Variants in COL24A1 observed in about 807,000 individuals in gnomAD.
COL24A1 encodes collagen type XXIV alpha 1 chain.
In COL24A1, 224 loss-of-function variants were observed where a neutral mutation model predicts 253.9. The ratio of observed to expected loss-of-function variants is 0.88; its 90% CI spans 0.79 to 0.99. The LOEUF is 0.99. Ranked by LOEUF, COL24A1 falls within the 50% of genes least tolerant of loss-of-function variation. The pLI is 0.00. For synonymous variants in COL24A1, 685 were observed against 673.7 expected (o/e 1.02, Z -0.26); for missense variants, 2,131 against 2,068.5 (o/e 1.03, Z -0.59).
At chr1:85,889,730 T>TC in intron 31 of COL24A1, 117 bp from the exon 32 acceptor site, 1 of 798,578 alleles carries the variant, frequency 1.3e-6, no homozygotes, top group Non-Finnish European at 2.1e-6. Context: ...CTATTGCTAT[T>TC]CTTTTTTTTT....
intron 35 of COL24A1, among the ~76,000 whole-genome samples, chr1:85,869,396 C>G (rs1414473247): frequency 6.6e-6 from 1 of 152,052 alleles, no homozygotes; most frequent in Non-Finnish European, 1.5e-5. Context: ...ACATAATTGT[C>G]AGATTCACCA....
intron 19 of COL24A1, among the ~76,000 whole-genome samples, chr1:86,015,645 T>A (rs1018603268): frequency 6.6e-6 from 1 of 152,100 alleles, no homozygotes; most frequent in Admixed American, 6.6e-5. Flanking sequence ...TAAAATAGAT[T>A]CTGTATCCTC....
chr1:86,037,005 A>G (rs1166922071), intron 12 of COL24A1, among the ~76,000 whole-genome samples: 1 of 152,156 alleles, frequency 6.6e-6, no homozygotes, highest in African/African-American at 2.4e-5. Context: ...CACAAATGTT[A>G]ACTTTCATCT....
chr1:86,093,028 T>C (rs900027807), intron 5 of COL24A1, among the ~76,000 whole-genome samples: 1 of 152,012 alleles, frequency 6.6e-6, no homozygotes, highest in Admixed American at 6.6e-5. Context: ...ACAATGGAGA[T>C]TCTTTAAAAT....
At chr1:85,760,153 A>T (rs536773512) in intron 55 of COL24A1, among the ~76,000 whole-genome samples, 6 of 151,584 alleles carry the variant, frequency 4.0e-5, no homozygotes, top group Non-Finnish European at 7.4e-5. Flanking sequence ...GCTCACTGCA[A>T]CCTCTGCCTC....
intron 25 of COL24A1, 50 bp from the exon 26 acceptor site, chr1:85,910,053 T>G: frequency 6.9e-7 from 1 of 1,447,564 alleles, no homozygotes; most frequent in Non-Finnish European, 9.7e-7. Context: ...TATTAATTAG[T>G]CATGACTGAG....
chr1:86,156,501 C>T lies in COL24A1; in HGVS notation c.-105G>A, dbSNP rs1653643261. 4.9e-6 allele frequency: 5 copies of T among 1,017,494 alleles called. No homozygotes were observed. Among genetic ancestry groups the T allele is most frequent in the African/African-American group, 1.7e-5 (1 of 60,170 alleles). 63.0% of individuals were successfully genotyped at this position (1,017,494 alleles called of 1,614,324 possible). On this transcript the variant is annotated 5_prime_UTR_variant, in exon 1 of 60. The change creates a new upstream start codon in the 5' untranslated region. Coordinates refer to ENST00000370571, the MANE Select transcript of COL24A1 (RefSeq NM_152890.7). ...CCATGAAAAAGGGAAAAAACAATCA[C>T]ATGAAAACCATGCTTCAAACCCGCA... is the stretch of plus-strand genomic sequence containing the variant.
chr1:85,872,871 A>C (rs545359336), intron 35 of COL24A1, among the ~76,000 whole-genome samples: 54 of 152,206 alleles, frequency 3.5e-4, no homozygotes, highest in Middle Eastern at 3.4e-3. Flanking sequence ...TTCTGCACAG[A>C]AAAAGAAACT....
At chr1:85,833,803 C>T (rs545948498) in intron 43 of COL24A1, among the ~76,000 whole-genome samples, 2 of 152,088 alleles carry the variant, frequency 1.3e-5, no homozygotes, top group African/African-American at 4.8e-5. Flanking sequence ...AGGATGAGTT[C>T]ATGTCCTTTG....
At chr1:86,106,036 G>A (rs1704949848) in intron 5 of COL24A1, among the ~76,000 whole-genome samples, 1 of 152,174 alleles carries the variant, frequency 6.6e-6, no homozygotes, top group Admixed American at 6.5e-5. Flanking sequence ...CCACCTGGCT[G>A]TGTCTAGTCA....
At chr1:85,804,474 C>T (rs1242472256) in intron 47 of COL24A1, among the ~76,000 whole-genome samples, 1 of 152,138 alleles carries the variant, frequency 6.6e-6, no homozygotes, top group Non-Finnish European at 1.5e-5. Context: ...AGTCCATTTT[C>T]ACGCTGCTGA....
intron 7 of COL24A1, among the ~76,000 whole-genome samples, chr1:86,080,568 A>T (rs575501342): frequency 3.3e-5 from 5 of 152,224 alleles, no homozygotes; most frequent in Middle Eastern, 6.8e-3. Flanking sequence ...CTTACTATGT[A>T]CCTACAAAAT....
intron 24 of COL24A1, among the ~76,000 whole-genome samples, chr1:85,950,409 A>G (rs188575448): frequency 4.3e-4 from 66 of 152,356 alleles, no homozygotes; most frequent in Non-Finnish European, 8.1e-4. Flanking sequence ...TAAGAAAAAA[A>G]TACTGAGCTT....
In COL24A1 at chr1:86,001,759, AC is replaced by A. The variant is rs1695437769; in HGVS notation, c.2311-14106del. Among the ~76,000 whole-genome samples the A allele has an allele frequency of 2.0e-5, 3 of 151,826 alleles. No homozygotes were observed. In the South Asian group the frequency reaches 6.2e-4, roughly 32 times the overall value. The stretch of plus-strand genomic sequence containing the variant: ...CATGCCCAAGGGAGGAAATATATAT[AC>A]ACACACACACAAAGGAGAGACTAAG... On this transcript the variant is annotated intron_variant, in intron 19 of 59. Transcript: ENST00000370571.
intron 19 of COL24A1, among the ~76,000 whole-genome samples, chr1:86,010,060 A>AC (rs1696353469): frequency 6.6e-6 from 1 of 152,060 alleles, no homozygotes; most frequent in Admixed American, 6.6e-5. Flanking sequence ...TCACACACAC[A>AC]AAAAAAACTT....
chr1:86,081,823 T>C (rs1472294482), intron 7 of COL24A1, among the ~76,000 whole-genome samples: 1 of 152,178 alleles, frequency 6.6e-6, no homozygotes, highest in Non-Finnish European at 1.5e-5. Context: ...AATTAAATTG[T>C]GGTAACCAAA....
chr1:85,874,570 TGAGTGTTTC>T, intron 35 of COL24A1, 70 bp downstream of exon 35: 2 of 1,280,494 alleles, frequency 1.6e-6, no homozygotes, highest in South Asian at 2.7e-5. Flanking sequence ...TCCAATTTTT[TGAGTGTTTC>T]GAATAATAAG....
In COL24A1 at chr1:86,008,663, A is replaced by G. The variant is rs138392387; in HGVS notation, c.2310+8488T>C. ...ACAATACAATTAGCCATGAGAATTA[A>G]CTTAAAGGTTTAAGAAGTGGGAAAG... On this transcript the variant is annotated intron_variant, in intron 19 of 59. Transcript: ENST00000370571. Among the ~76,000 whole-genome samples the G allele has an allele frequency of 1.7e-3, 263 of 152,312 alleles. 1 individual carries two copies. Among genetic ancestry groups the G allele is most frequent in the Non-Finnish European group, 3.2e-3 (218 of 68,024 alleles).
At chr1:85,742,929 A>C (rs1478600247) in intron 57 of COL24A1, among the ~76,000 whole-genome samples, 2 of 152,044 alleles carry the variant, frequency 1.3e-5, no homozygotes, top group African/African-American at 2.4e-5. Context: ...AAGCATATTC[A>C]AGAATCTAAC....
Sources: allele counts gnomAD v4.1 joint callset (sites outside exome capture counted in the v4.1 genomes callset), GRCh38; gene constraint gnomAD v4.1.1; transcripts MANE v1.5; gene names NCBI Gene and HGNC (gene_info 2026-07-23, HGNC 2026-07-21).